The following VGLL4 variants were observed in gnomAD, a reference collection of about 807,000 sequenced individuals.
The protein encoded by VGLL4 is vestigial like family member 4, also known as transcription cofactor vestigial-like protein 4.
Under a neutral mutation model 21.0 loss-of-function variants are expected in VGLL4, and 7 were observed. That is an observed-to-expected ratio of 0.33 (90% confidence interval 0.19 to 0.63). VGLL4 has a LOEUF of 0.63. VGLL4 is among the 20% of genes least tolerant of loss of function. The pLI is 0.78. For missense variants in VGLL4, 394 were observed against 425.7 expected (o/e 0.93, Z 0.66); for synonymous variants, 222 against 173.2 (o/e 1.28, Z -2.21).
chr3:11,693,964 G>A lies in VGLL4; in HGVS notation c.64+9007C>T, dbSNP rs547712736. Among the ~76,000 whole-genome samples the A allele has an allele frequency of 1.5e-4, 23 of 152,178 alleles. No homozygotes were observed. The South Asian group carries it at 3.5e-3, about 23-fold the overall frequency. On this transcript the variant is annotated intron_variant, in intron 2 of 5. Coordinates refer to the VGLL4 transcript ENST00000273038. Reference sequence around the variant, plus strand: ...GGGCAGACAGATAGCAGAGAATTACGCGCTTAGGTTTCACAGCCAGGCTGC... The same window carrying A: ...GGGCAGACAGATAGCAGAGAATTACACGCTTAGGTTTCACAGCCAGGCTGC...
At chr3:11,628,744 C>T (rs897382233) in intron 1 of VGLL4, among the ~76,000 whole-genome samples, 51 of 152,158 alleles carry the variant, frequency 3.4e-4, no homozygotes, top group African/African-American at 1.1e-3. Flanking sequence ...GGTGTGAACA[C>T]GGGAGGCAGA....
intron 1 of VGLL4, among the ~76,000 whole-genome samples, chr3:11,628,390 AAAAAC>A (rs1350500043): frequency 2.0e-5 from 3 of 151,962 alleles, no homozygotes; most frequent in Admixed American, 6.5e-5. Context: ...CTCCGTCTCA[AAAAAC>A]AAAAAAAAAA....
Position 11,568,770 on chromosome 3 carries a change from C to T in VGLL4, c.273-3751G>A, listed in dbSNP as rs1207054463. 6.7e-7 allele frequency: 1 copy of T among 1,495,246 alleles called. No individual in the cohort carries two copies. The highest frequency in any genetic ancestry group is 1.4e-5 in the African/African-American group (1 of 71,696). 92.6% of individuals were successfully genotyped at this position (1,495,246 alleles called of 1,614,324 possible). On this transcript the variant is annotated intron_variant, in intron 2 of 4. Coordinates refer to ENST00000430365, the MANE Select transcript of VGLL4 (RefSeq NM_001128219.3). This position sits in a 1 kb window ranked among gnomAD's most constrained non-coding sequence, Gnocchi z 5.9. ...CCTGCCCGGGAGATGGAAGTCGCCT[C>T]CGCTCCTGGTCAGGACTGTGCCCGA...
chr3:11,694,969 C>T (rs2076583165), intron 2 of VGLL4, among the ~76,000 whole-genome samples: 1 of 151,932 alleles, frequency 6.6e-6, no homozygotes, highest in East Asian at 1.9e-4. Context: ...AGCATAAGGG[C>T]CAGGCCCATT....
rs1336506832 is a variant in VGLL4, at chr3:11,564,807, TC to T, written c.484del (p.Glu162SerfsTer9). 1.3e-6 allele frequency: 2 copies of T among 1,559,534 alleles called. No individual in the cohort carries two copies. Reference protein sequence around the residue: ...AGLSPTLTPGERQQNRPSVIT... With the variant: ...AGLSPTLTPGXRQQNRPSVIT... ...CAGACAGAGGCCCACCTGCTGCCGC[TC>T]CCCCGGGGTCAGTGTGGGCGAGAGG... On this transcript the variant is annotated frameshift_variant, in exon 3 of 5. Transcript: ENST00000430365. LOFTEE classifies it high-confidence loss of function.
rs183023141 is a variant in VGLL4, at chr3:11,564,134, C to A, written c.495+663G>T. On this transcript the variant is annotated intron_variant, in intron 3 of 4. Coordinates refer to ENST00000430365, the MANE Select transcript of VGLL4 (RefSeq NM_001128219.3). ...GGAGAGCTCAAGCAGTAATTTTGAG[C>A]CTCCTCAATGCTGCTGCCTTCTCCC... Among the ~76,000 whole-genome samples the A allele has an allele frequency of 3.5e-3, 539 of 152,344 alleles. 5 individuals carry two copies. Among genetic ancestry groups the A allele is most frequent in the Admixed American group, 7.5e-3 (115 of 15,310 alleles).
rs2075151195 is a variant in VGLL4, at chr3:11,615,823, CA to C, written c.83-13802del. Among the ~76,000 whole-genome samples the C allele has an allele frequency of 7.2e-5, 11 of 152,256 alleles. No individual in the cohort carries two copies. In the South Asian group the frequency reaches 2.3e-3, roughly 32 times the overall value. On this transcript the variant is annotated intron_variant, in intron 1 of 4. Transcript: ENST00000430365. ...CATACAAAACACATTGAAAGAAAGA[CA>C]GACAATACAATCAGGAGTAGCTTAT...
chr3:11,574,781 A>ATGTGTGTGTG (rs1288636397), intron 2 of VGLL4, among the ~76,000 whole-genome samples: 1 of 120,948 alleles, frequency 8.3e-6, no homozygotes, highest in Non-Finnish European at 1.7e-5. Context: ...CAATTCAACT[A>ATGTGTGTGTG]TATATGTGTG....
At chr3:11,703,021 A>G in exon 2 of VGLL4, 1 of 1,612,864 alleles carries the variant, frequency 6.2e-7, no homozygotes, top group East Asian at 2.2e-5. Context: ...CAAAACATCC[A>G]ATGGCGTCTC....
intron 1 of VGLL4, among the ~76,000 whole-genome samples, chr3:11,707,126 G>C (rs1345628746): frequency 6.6e-6 from 1 of 151,400 alleles, no homozygotes; most frequent in Non-Finnish European, 1.5e-5. Flanking sequence ...GAACAGCCTG[G>C]GCAACATAGT....
At chr3:11,587,010 G>C (rs1362509471) in intron 2 of VGLL4, among the ~76,000 whole-genome samples, 1 of 152,204 alleles carries the variant, frequency 6.6e-6, no homozygotes, top group African/African-American at 2.4e-5. Context: ...ACTCTGTGTA[G>C]CTTGCCGAAA....
At chr3:11,720,536 TCGCACA>T (rs1044666661) in exon 1 of VGLL4, 20 of 151,854 alleles carry the variant, frequency 1.3e-4, no homozygotes, top group African/African-American at 4.1e-4. Flanking sequence ...CACTTCACAC[TCGCACA>T]CGCGCACACG....
chr3:11,704,383 C>CAAAAAAAAAAAAAAAAAAAAAAAAAA (rs57593843), intron 1 of VGLL4, among the ~76,000 whole-genome samples: 1 of 69,154 alleles, frequency 1.4e-5, no homozygotes, highest in Non-Finnish European at 2.9e-5. Context: ...AACTCCGTCT[C>CAAAAAAAAAAAAAAAAAAAAAAAAAA]AAAAAAAAAA....
Position 11,665,096 on chromosome 3 carries a change from T to TTTTTC in VGLL4, c.64+37870_64+37874dup, listed in dbSNP as rs1236545299. On this transcript the variant is annotated intron_variant, in intron 2 of 5. Transcript: ENST00000273038. The stretch of plus-strand genomic sequence containing the variant: ...CACCAAAATGAAAGCAATTTGAATA[T>TTTTTC]TTTTCTTTTTTTTTTTTTTTTTTTT... Among the ~76,000 whole-genome samples, 139 of 90,344 alleles carry TTTTTC rather than the reference T, an allele frequency of 1.5e-3. 18 individuals carry two copies. The highest frequency in any genetic ancestry group is 2.1e-3 in the Admixed American group (17 of 8,272). The allele number at this position is 90,344 out of a possible 152,430, so 59.3% of individuals were successfully genotyped here.
intron 1 of VGLL4, among the ~76,000 whole-genome samples, chr3:11,718,236 G>C (rs2076944679): frequency 6.6e-6 from 1 of 152,190 alleles, no homozygotes; most frequent in Admixed American, 6.5e-5. Context: ...CCGTGGGGGA[G>C]ATGACTTTTC....
In VGLL4 at chr3:11,567,275, C is replaced by T. The variant is rs147898762; in HGVS notation, c.273-2256G>A. Among the ~76,000 whole-genome samples the T allele has an allele frequency of 3.3e-3, 495 of 152,280 alleles. 5 individuals are homozygous for T. Among genetic ancestry groups the T allele is most frequent in the South Asian group, 0.011 (54 of 4,828 alleles). ...ACACAAACAAAAACAATCAGAGCGGCGCAGTGCAGCCCTCAGTGAGCGCCA... is the reference window on the plus strand; with the variant it reads ...ACACAAACAAAAACAATCAGAGCGGTGCAGTGCAGCCCTCAGTGAGCGCCA... On this transcript the variant is annotated intron_variant, in intron 2 of 4. Transcript: ENST00000430365.
At chr3:11,573,552 C>G (rs557503410) in intron 2 of VGLL4, among the ~76,000 whole-genome samples, 1 of 152,290 alleles carries the variant, frequency 6.6e-6, no homozygotes, top group Admixed American at 6.5e-5. Context: ...ACTTTGCTGT[C>G]CCTCCGACGG....
exon 2 of VGLL4, chr3:11,703,002 T>A: frequency 6.2e-7 from 1 of 1,613,212 alleles, no homozygotes; most frequent in Non-Finnish European, 8.5e-7. Context: ...CCAGAGATGC[T>A]GCCCTGGACA....
intron 1 of VGLL4, among the ~76,000 whole-genome samples, chr3:11,710,000 A>C (rs1367865604): frequency 1.3e-5 from 2 of 152,198 alleles, no homozygotes; most frequent in East Asian, 3.8e-4. Flanking sequence ...GGAAGCTTCC[A>C]ATCATAATGG....
Sources: gnomAD v4.1 joint callset for allele counts (sites outside exome capture counted in the v4.1 genomes callset) on GRCh38, gnomAD v4.1.1 for gene constraint, Gnocchi (gnomAD v3.1) non-coding constraint, MANE v1.5 for transcripts, NCBI Gene and HGNC (gene_info 2026-07-23, HGNC 2026-07-21) for gene names.